SPATA16: variants seen among roughly 807,000 people sequenced by gnomAD.
SPATA16 encodes spermatogenesis-associated protein 16.
In SPATA16, 36 loss-of-function variants were observed where a neutral mutation model predicts 63.3. The ratio of observed to expected loss-of-function variants is 0.57; its 90% CI spans 0.44 to 0.75. The LOEUF is 0.75. Among genes scored for constraint, SPATA16 ranks in the 30% least tolerant of loss-of-function variants. SPATA16 has a pLI of 0.00. For synonymous variants in SPATA16, 203 were observed against 216.7 expected, an observed-to-expected ratio of 0.94 and a Z score of 0.56; for missense variants, 646 against 679.3, an observed-to-expected ratio of 0.95 and a Z score of 0.54.
intron 2 of SPATA16, among the ~76,000 whole-genome samples, chr3:173,051,415 G>A (rs892629856): frequency 3.3e-5 from 5 of 152,104 alleles, no homozygotes; most frequent in African/African-American, 1.2e-4. Flanking sequence ...TGTTAGCCAG[G>A]ATGACCTCGG....
chr3:173,109,199 C>T (rs571845303), intron 2 of SPATA16, among the ~76,000 whole-genome samples: 2 of 152,270 alleles, frequency 1.3e-5, no homozygotes, highest in South Asian at 2.1e-4. Flanking sequence ...TCCCGACCCT[C>T]ATTTGGCCCC....
chr3:172,922,433 A>G (rs754501593), intron 8 of SPATA16, among the ~76,000 whole-genome samples: 6 of 152,362 alleles, frequency 3.9e-5, no homozygotes, highest in Non-Finnish European at 8.8e-5. Context: ...CACATAAAAG[A>G]TTCATGTCTA....
At chr3:172,986,047 G>A (rs927192712) in intron 4 of SPATA16, among the ~76,000 whole-genome samples, 1 of 152,162 alleles carries the variant, frequency 6.6e-6, no homozygotes, top group Non-Finnish European at 1.5e-5. Context: ...GTTTAATAGG[G>A]ACAGTGATAC....
chr3:173,074,982 G>C (rs572784491), intron 2 of SPATA16, among the ~76,000 whole-genome samples: 1 of 104,740 alleles, frequency 9.5e-6, no homozygotes, highest in Non-Finnish European at 1.7e-5. Flanking sequence ...GACAGAGCAA[G>C]ACTCTATCTC....
Position 172,916,459 on chromosome 3 carries a change from C to T in SPATA16, c.1361G>A (p.Gly454Asp), listed in dbSNP as rs774830755. 2.3e-5 allele frequency: 37 copies of T among 1,613,592 alleles called. No individual in the cohort carries two copies. Among genetic ancestry groups the T allele is most frequent in the Non-Finnish European group, 3.1e-5 (37 of 1,179,738 alleles). The change falls in exon 9 of 11, where the codon GGT becomes GAT. Residue 454 changes from glycine to aspartate, a missense_variant. Gly to Asp is a moderately conservative substitution (Grantham distance 94). Coordinates refer to ENST00000351008, the MANE Select transcript of SPATA16 (RefSeq NM_031955.6). ...GGCATATTGCAACTTCTCCATCACA[C>T]CTGAGGATGCAGGAAAACTCCCCTA... ...QLNGSFPASS[G>D]VMEKLQYASL...
intron 2 of SPATA16, among the ~76,000 whole-genome samples, chr3:173,101,967 C>T (rs1737508470): frequency 6.6e-6 from 1 of 152,190 alleles, no homozygotes; most frequent in Non-Finnish European, 1.5e-5. Context: ...ATTAATGGTT[C>T]TCCCTTCTCA....
intron 6 of SPATA16, among the ~76,000 whole-genome samples, chr3:172,951,501 A>G (rs534174141): frequency 6.6e-6 from 1 of 152,152 alleles, no homozygotes; most frequent in African/African-American, 2.4e-5. Context: ...TAATTTAAAA[A>G]AAAAAAAATT....
chr3:173,018,207 AC>A (rs1735236057), intron 4 of SPATA16, among the ~76,000 whole-genome samples: 1 of 152,118 alleles, frequency 6.6e-6, no homozygotes, highest in Non-Finnish European at 1.5e-5. Flanking sequence ...TATCTATTTA[AC>A]TGAGTTCAGG....
chr3:173,097,392 G>A (rs1737385883), intron 2 of SPATA16, among the ~76,000 whole-genome samples: 1 of 152,258 alleles, frequency 6.6e-6, no homozygotes. Context: ...AAAGAAAAAA[G>A]TCATATACTG....
At chr3:172,961,609 G>A (rs1733787035) in intron 5 of SPATA16, among the ~76,000 whole-genome samples, 1 of 152,066 alleles carries the variant, frequency 6.6e-6, no homozygotes, top group Non-Finnish European at 1.5e-5. Flanking sequence ...TAGTCAGGCT[G>A]GTCTTGAACT....
At chr3:172,960,223 A>G (rs1334740515) in intron 5 of SPATA16, among the ~76,000 whole-genome samples, 2 of 152,232 alleles carry the variant, frequency 1.3e-5, no homozygotes, top group Non-Finnish European at 2.9e-5. Context: ...TTCAAATGAT[A>G]CTTCTTAATT....
chr3:172,961,794 C>T (rs1323282908), intron 5 of SPATA16, among the ~76,000 whole-genome samples: 5 of 151,998 alleles, frequency 3.3e-5, no homozygotes, highest in African/African-American at 4.8e-5. Context: ...TATGACTTTA[C>T]CTCGCAGGCA....
At chr3:173,035,560 A>T (rs2108286584) in intron 3 of SPATA16, among the ~76,000 whole-genome samples, 1 of 152,182 alleles carries the variant, frequency 6.6e-6, no homozygotes, top group Non-Finnish European at 1.5e-5. Flanking sequence ...TAGTGAAAGG[A>T]TTTTTAATTT....
intron 4 of SPATA16, among the ~76,000 whole-genome samples, chr3:173,008,973 A>C (rs959463129): frequency 6.6e-6 from 1 of 152,238 alleles, no homozygotes; most frequent in Non-Finnish European, 1.5e-5. Flanking sequence ...CTCTTAAAAT[A>C]AGTTTTTAGC....
At chr3:172,972,711 G>A (rs1734074893) in intron 5 of SPATA16, among the ~76,000 whole-genome samples, 1 of 152,118 alleles carries the variant, frequency 6.6e-6, no homozygotes, top group Non-Finnish European at 1.5e-5. Context: ...TCTAAATGAG[G>A]TGACCGAAGT....
At chr3:173,007,444 A>C (rs1053727442) in intron 4 of SPATA16, among the ~76,000 whole-genome samples, 1 of 152,218 alleles carries the variant, frequency 6.6e-6, no homozygotes, top group Non-Finnish European at 1.5e-5. Context: ...GCTGAGAATG[A>C]GCTCTGAGGG....
At chr3:173,049,116 C>G in intron 2 of SPATA16, 22 bp from the exon 3 acceptor site, 1 of 1,593,052 alleles carries the variant, frequency 6.3e-7, no homozygotes, top group Non-Finnish European at 8.6e-7. Context: ...ATAGTACTTT[C>G]AACATCTTAA....
intron 1 of SPATA16, among the ~76,000 whole-genome samples, chr3:173,129,425 A>T (rs1738311678): frequency 1.3e-5 from 2 of 152,174 alleles, no homozygotes; most frequent in Admixed American, 1.3e-4. Context: ...CATAGAGATG[A>T]TTGAAAGATT....
chr3:172,995,832 C>T (rs1734680825), intron 4 of SPATA16, among the ~76,000 whole-genome samples: 1 of 152,072 alleles, frequency 6.6e-6, no homozygotes, highest in Non-Finnish European at 1.5e-5. Context: ...CTCTTTCACC[C>T]AGCTTCTCCA....
Sources: gnomAD v4.1 joint callset for allele counts (sites outside exome capture counted in the v4.1 genomes callset) on GRCh38, gnomAD v4.1.1 for gene constraint, MANE v1.5 for transcripts, NCBI Gene and HGNC (gene_info 2026-07-23, HGNC 2026-07-21) for gene names.